Variants in AKR1C2 observed in about 807,000 individuals in gnomAD.
AKR1C2 encodes 3-alpha-HSD3.
In AKR1C2, 27 loss-of-function variants were observed where a neutral mutation model predicts 39.8. The ratio of observed to expected loss-of-function variants is 0.68; its 90% confidence interval spans 0.50 to 0.93. The LOEUF is 0.93. Ranked by LOEUF, AKR1C2 falls within the 40% of genes least tolerant of loss-of-function variation. The probability of loss-of-function intolerance (pLI) is 0.00; values close to 1 mark genes in which losing one functional copy is unlikely to be tolerated. For synonymous variants in AKR1C2, 114 were observed against 137.9 expected, an observed-to-expected ratio of 0.83 and a Z score of 1.22; for missense variants, 263 against 365.1, an observed-to-expected ratio of 0.72 and a Z score of 2.28.
intron 1 of AKR1C2, chr10:5,015,702 G>A (rs782035341): frequency 1.3e-5 from 2 of 152,286 alleles, no homozygotes; most frequent in Non-Finnish European, 2.9e-5. Context: ...GATTAGTACC[G>A]AGGAAATGTG....
intron 7 of AKR1C2, among the ~76,000 whole-genome samples, chr10:4,993,351 T>C (rs1836906809): frequency 6.6e-6 from 1 of 152,190 alleles, no homozygotes. Context: ...GGACATTTCA[T>C]ATATGTGTCA....
At chr10:4,991,313 G>A (rs115254294) in intron 8 of AKR1C2, among the ~76,000 whole-genome samples, 1,923 of 151,910 alleles carry the variant, frequency 0.013, 50 homozygotes, top group African/African-American at 0.044. Flanking sequence ...AGAAAGGCAC[G>A]AAAAAGGTTT....
intron 1 of AKR1C2, among the ~76,000 whole-genome samples, chr10:5,010,128 G>A (rs1937861): frequency 0.22 from 31,652 of 142,616 alleles, 3,940 homozygotes; most frequent in East Asian, 0.58. Context: ...GACTCAAGCC[G>A]TCTGCAGATG....
chr10:5,012,461 C>G, intron 1 of AKR1C2, among the ~76,000 whole-genome samples: 1 of 151,206 alleles, frequency 6.6e-6, no homozygotes, highest in African/African-American at 2.5e-5. Context: ...ACAAGTGGCA[C>G]CCAGGAGGGC....
chr10:5,009,697 T>A (rs533557123), intron 1 of AKR1C2, among the ~76,000 whole-genome samples: 1 of 152,222 alleles, frequency 6.6e-6, no homozygotes, highest in South Asian at 2.1e-4. Flanking sequence ...ATTTGCCTTT[T>A]GGCCCACCAC....
chr10:5,006,350 CAA>C (rs1554774386), upstream of AKR1C2: 1 of 152,150 alleles, frequency 6.6e-6, no homozygotes, highest in African/African-American at 2.4e-5. Context: ...CTTTAAATAA[CAA>C]GAGATTTTGG....
At chr10:4,994,580 G>C (rs1836965666) in intron 7 of AKR1C2, among the ~76,000 whole-genome samples, 1 of 152,096 alleles carries the variant, frequency 6.6e-6, no homozygotes, top group African/African-American at 2.4e-5. Context: ...CCTGTGCTGA[G>C]GTGAACCCTG....
intron 1 of AKR1C2, among the ~76,000 whole-genome samples, chr10:5,003,170 G>T (rs1390846065): frequency 6.7e-6 from 1 of 150,008 alleles, no homozygotes; most frequent in African/African-American, 2.4e-5. Flanking sequence ...TATTAACAAA[G>T]ACAAAGAATT....
Position 4,990,921 on chromosome 10 carries a change from A to C in AKR1C2, c.930-883T>G, listed in dbSNP as rs1377371606. Among the ~76,000 whole-genome samples, 9 of 151,390 alleles carry C rather than the reference A, an allele frequency of 5.9e-5. No individual in the cohort carries two copies. The East Asian group carries it at 1.3e-3, about 23-fold the overall frequency. On this transcript the variant is annotated intron_variant, in intron 8 of 8. Coordinates refer to ENST00000380753, the MANE Select transcript of AKR1C2 (RefSeq NM_001393392.1). ...CTGCTAAGTGGATAAAATACTACTA[A>C]TAATATCCACCAAATTTTGGGTACT...
chr10:5,012,506 AGG>A, intron 1 of AKR1C2, among the ~76,000 whole-genome samples: 1 of 150,224 alleles, frequency 6.7e-6, no homozygotes, highest in African/African-American at 2.5e-5. Context: ...AAAGACCCAT[AGG>A]GAAGAGATCC....
At chr10:5,002,484 T>C (rs1195239218) in intron 1 of AKR1C2, among the ~76,000 whole-genome samples, 7 of 152,214 alleles carry the variant, frequency 4.6e-5, no homozygotes, top group Non-Finnish European at 8.8e-5. Context: ...TAAAGATGTA[T>C]ACTCTAAGGA....
At chr10:5,000,778 G>C (rs1837243940) in intron 2 of AKR1C2, 112 bp from the exon 3 acceptor site, 1 of 873,606 alleles carries the variant, frequency 1.1e-6, no homozygotes. Context: ...ATGACCACAG[G>C]CAAAATTATT....
rs1836755527 is a variant in AKR1C2, at chr10:4,989,212, G to C, written c.*784C>G. On this transcript the variant is annotated 3_prime_UTR_variant, in exon 9 of 9. Transcript: ENST00000380753. ...TGTCCTGCCCCACCACAAACCAATA[G>C]GGTCAACGTTGTGAATGGGCACACA... 1 of 152,118 alleles carries C rather than the reference G, an allele frequency of 6.6e-6. No individual in the cohort carries two copies. Among genetic ancestry groups the C allele is most frequent in the South Asian group, 2.1e-4 (1 of 4,814 alleles). 9.4% of individuals were successfully genotyped at this position (152,118 alleles called of 1,614,324 possible). A position where few individuals can be genotyped will look rare whatever the true frequency, so the allele number is the denominator to read the frequency against.
At chr10:5,013,053 G>A (rs1837555045) in intron 1 of AKR1C2, among the ~76,000 whole-genome samples, 1 of 152,104 alleles carries the variant, frequency 6.6e-6, no homozygotes, top group African/African-American at 2.4e-5. Flanking sequence ...TATCAAAATT[G>A]GGACAAGGGA....
intron 1 of AKR1C2, among the ~76,000 whole-genome samples, chr10:5,002,647 T>C (rs1443645706): frequency 1.3e-5 from 2 of 152,210 alleles, no homozygotes; most frequent in African/African-American, 4.8e-5. Context: ...TGGATACAGA[T>C]TTGACAGTAT....
intron 3 of AKR1C2, chr10:4,999,978 C>A (rs1837203728): frequency 2.0e-6 from 2 of 1,009,442 alleles, no homozygotes; most frequent in Admixed American, 1.0e-4. Flanking sequence ...ATTAACTAGC[C>A]TGACTAGTTT....
upstream of AKR1C2, among the ~76,000 whole-genome samples, chr10:5,008,910 G>C (rs1307338941): frequency 6.6e-6 from 1 of 152,168 alleles, no homozygotes; most frequent in Non-Finnish European, 1.5e-5. Flanking sequence ...CAATTCTCTG[G>C]GGTGAAGAGG....
At chr10:5,015,065 G>T (rs187775564) in intron 1 of AKR1C2, 1 of 152,186 alleles carries the variant, frequency 6.6e-6, no homozygotes, top group African/African-American at 2.4e-5. Context: ...TCCACAAAGA[G>T]CATCCAGTCT....
intron 1 of AKR1C2, among the ~76,000 whole-genome samples, chr10:5,003,450 A>C (rs1455374830): frequency 1.3e-5 from 2 of 151,476 alleles, no homozygotes; most frequent in East Asian, 3.9e-4. Flanking sequence ...GTTCGACTAT[A>C]CAAAGAAACA....
Sources: allele counts gnomAD v4.1 joint callset (sites outside exome capture counted in the v4.1 genomes callset), GRCh38; gene constraint gnomAD v4.1.1; transcripts MANE v1.5; gene names NCBI Gene and HGNC (gene_info 2026-07-23, HGNC 2026-07-21).